FADS3: variants seen among roughly 807,000 people sequenced by gnomAD.
FADS3 encodes the protein fatty acid desaturase 3.
Under a neutral mutation model 60.4 loss-of-function variants are expected in FADS3, and 30 were observed. The ratio of observed to expected loss-of-function variants is 0.50; its 90% confidence interval spans 0.37 to 0.67. The LOEUF (loss-of-function observed/expected upper bound fraction) is 0.67. Ranked by LOEUF, FADS3 falls within the 30% of genes least tolerant of loss-of-function variation. The pLI is 0.00. For missense variants in FADS3, 432 were observed against 598.3 expected, an observed-to-expected ratio of 0.72 and a Z score of 2.90; for synonymous variants, 234 against 249.3, an observed-to-expected ratio of 0.94 and a Z score of 0.58.
intron 1 of FADS3, 115 bp from the exon 2 acceptor site, chr11:61,880,266 G>A: frequency 1.3e-6 from 1 of 772,328 alleles, no homozygotes; most frequent in Non-Finnish European, 2.1e-6. Flanking sequence ...ACGACAGGCG[G>A]ACAGGAAGTC....
intron 11 of FADS3, among the ~76,000 whole-genome samples, chr11:61,874,640 C>T (rs1022786120): frequency 2.6e-5 from 4 of 152,218 alleles, no homozygotes; most frequent in African/African-American, 9.6e-5. Flanking sequence ...ATGCCTGCCT[C>T]GGCTATCTAT....
intron 11 of FADS3, 43 bp from the exon 12 acceptor site, chr11:61,873,908 A>C (rs930574379): frequency 7.4e-7 from 1 of 1,354,008 alleles, no homozygotes; most frequent in Non-Finnish European, 1.0e-6. Context: ...TTAGGAGCTC[A>C]GTTGCAAGAT....
At chr11:61,878,124 C>T in intron 6 of FADS3, 31 bp downstream of exon 6, 1 of 1,605,356 alleles carries the variant, frequency 6.2e-7, no homozygotes, top group Non-Finnish European at 8.5e-7. Context: ...CCAGGCACTC[C>T]CCCACCCCAG....
At chr11:61,885,718 G>A (rs1046126484) in intron 1 of FADS3, among the ~76,000 whole-genome samples, 1 of 152,184 alleles carries the variant, frequency 6.6e-6, no homozygotes, top group African/African-American at 2.4e-5. Flanking sequence ...CAGTCAGGAA[G>A]GGGGTGAAGC....
At chr11:61,879,733 A>C (rs1268825191) in intron 2 of FADS3, among the ~76,000 whole-genome samples, 1 of 152,210 alleles carries the variant, frequency 6.6e-6, no homozygotes, top group African/African-American at 2.4e-5. Flanking sequence ...TACAGCCAGG[A>C]GAGAAATCAG....
At position 61,891,355 on chromosome 11, in the gene FADS3, C is replaced by T. The variant is rs775150620; in HGVS notation, c.27G>A (p.Pro9=). Residue 9 remains proline (P), a synonymous_variant, in exon 1 of 12, where the codon CCG becomes CCA. Coordinates refer to ENST00000278829, the MANE Select transcript of FADS3 (RefSeq NM_021727.5). MGGVGEPG[P]REGPAQPGAP... ...CCCCCGGCTGCGCGGGTCCCTCCCG[C>T]GGTCCCGGCTCCCCGACGCCGCCCA... is the stretch of plus-strand genomic sequence containing the variant. 3 of 1,494,018 alleles carry T rather than the reference C, an allele frequency of 2.0e-6. No individual in the cohort carries two copies. In the South Asian group the frequency reaches 3.8e-5, roughly 19 times the overall value. 92.5% of individuals were successfully genotyped at this position (1,494,018 alleles called of 1,614,324 possible).
Position 61,877,747 on chromosome 11 carries a change from A to G in FADS3, c.809-160T>C. On this transcript the variant is annotated intron_variant, in intron 6 of 11. Coordinates refer to ENST00000278829, the MANE Select transcript of FADS3 (RefSeq NM_021727.5). This position sits in a 1 kb window ranked among gnomAD's most constrained non-coding sequence, Gnocchi z 4.7. ...CATATCACCCCCAATTCTGTGTCCA[A>G]GCCTCCCCAGGCTGCCCTTACCCCA... 1.5e-6 allele frequency: 1 copy of G among 678,072 alleles called. No individual in the cohort carries two copies. The highest frequency in any genetic ancestry group is 2.6e-6 in the Non-Finnish European group (1 of 391,930). 42.0% of individuals were successfully genotyped at this position (678,072 alleles called of 1,614,324 possible).
intron 5 of FADS3, 142 bp from the exon 6 acceptor site, chr11:61,878,357 G>A (rs1048834328): frequency 3.7e-5 from 51 of 1,376,394 alleles, no homozygotes; most frequent in Admixed American, 2.0e-4. Flanking sequence ...CAGCAGGTTG[G>A]GAGGTGGGAA....
chr11:61,875,299 C>A (rs182195103), intron 11 of FADS3, among the ~76,000 whole-genome samples: 5 of 151,926 alleles, frequency 3.3e-5, no homozygotes, highest in Non-Finnish European at 7.4e-5. Flanking sequence ...TCCGCCCCTG[C>A]GAGTTCAAGT....
intron 2 of FADS3, 126 bp downstream of exon 2, chr11:61,879,915 G>T (rs174634): frequency 1.2e-5 from 9 of 736,404 alleles, no homozygotes; most frequent in Middle Eastern, 3.6e-4. Flanking sequence ...GGCAGGCTCA[G>T]CCCTGGCTCT....
intron 1 of FADS3, among the ~76,000 whole-genome samples, chr11:61,889,506 G>T (rs771327346): frequency 4.7e-4 from 71 of 152,232 alleles, no homozygotes; most frequent in Non-Finnish European, 7.9e-4. Flanking sequence ...AATATGCTGG[G>T]CGTGGTGGCG....
chr11:61,884,106 T>A (rs1204004705), intron 1 of FADS3, among the ~76,000 whole-genome samples: 1 of 152,178 alleles, frequency 6.6e-6, no homozygotes, highest in Non-Finnish European at 1.5e-5. Context: ...TGTGACCTGG[T>A]CCTCTGTGGG....
In FADS3 at chr11:61,876,900, C is replaced by T. The variant is rs779854074; in HGVS notation, c.949G>A (p.Val317Ile). 6.1e-5 allele frequency: 98 copies of T among 1,610,904 alleles called. 3 individuals are homozygous for T. Among genetic ancestry groups the T allele is most frequent in the South Asian group, 3.0e-4 (27 of 90,322 alleles). ...ACAAAGAAGAGCAGCACCCCAGGGA[C>T]GCCGTAGAAGGGGAGGTAGGATAAG... ...FFLSYLPFYG[V>I]PGVLLFFVAV... The change falls in exon 8 of 12, where the codon GTC (valine) becomes ATC (isoleucine). Residue 317 changes from valine to isoleucine, a missense_variant. Physicochemically the swap from Val to Ile is conservative, Grantham distance 29. Coordinates refer to ENST00000278829, the MANE Select transcript of FADS3 (RefSeq NM_021727.5). This position sits in a 1 kb window ranked among gnomAD's most constrained non-coding sequence, Gnocchi z 5.7.
intron 5 of FADS3, 96 bp downstream of exon 5, chr11:61,878,416 C>T: frequency 6.5e-7 from 1 of 1,532,452 alleles, no homozygotes. Context: ...GAGGCCAGAT[C>T]AGGGGCTAGG....
chr11:61,876,225 C>A lies in FADS3; in HGVS notation c.1081-35G>T, dbSNP rs929623447. 11 of 1,581,144 alleles carry A rather than the reference C, an allele frequency of 7.0e-6. No homozygotes were observed. The South Asian group carries it at 1.3e-4, about 18-fold the overall frequency. ...GCCGGCGGGGCACATGTGAGGAGGC[C>A]GTTGCAGATCCCTGACCCCACGGCA... On this transcript the variant is annotated intron_variant, in intron 9 of 11. Coordinates refer to ENST00000278829, the MANE Select transcript of FADS3 (RefSeq NM_021727.5). The surrounding 1 kb of genome is among the most constrained non-coding windows in gnomAD (Gnocchi z 5.7).
rs901691583 is a variant in FADS3 at position 61,878,410 on chromosome 11, C to A, written c.747+102G>T. On this transcript the variant is annotated intron_variant, in intron 5 of 11. Transcript: ENST00000278829. ...GAGCTTGGCCCAGCCAGAGTGGAGG[C>A]CAGATCAGGGGCTAGGTCAGGGGCA... is the stretch of plus-strand genomic sequence containing the variant. The A allele has an allele frequency of 5.9e-6, 9 of 1,516,050 alleles. No individual in the cohort carries two copies. The African/African-American group carries it at 9.6e-5, about 16-fold the overall frequency. The allele number at this position is 1,516,050 out of a possible 1,614,324, so 93.9% of individuals were successfully genotyped here. A position where few individuals can be genotyped will look rare whatever the true frequency, so the allele number is the denominator to read the frequency against.
Position 61,875,936 on chromosome 11 carries a change from C to T in FADS3, c.1201G>A (p.Ala401Thr). 3.7e-6 allele frequency: 6 copies of T among 1,613,796 alleles called. No individual in the cohort carries two copies. Among genetic ancestry groups the T allele is most frequent in the Non-Finnish European group, 3.4e-6 (4 of 1,180,028 alleles). The stretch of plus-strand genomic sequence containing the variant: ...GCACACAGCGACTTGACCAGCGGGG[C>T]CACCCGGCTGTAGTTGTGTCTCGGC... ...RMPRHNYSRV[A>T]PLVKSLCAKH... The change falls in exon 11 of 12, where the codon GCC becomes ACC. Residue 401 changes from alanine (A) to threonine (T), a missense_variant. Around this residue, in one of 5 missense-constraint regions of FADS3, gnomAD observed 63 missense variants for 64.5 expected, o/e 0.98. Transcript: ENST00000278829.
In FADS3 at chr11:61,878,518, G is replaced by A. The variant is rs766279636; in HGVS notation, c.741C>T (p.Ser247=). Residue 247 remains serine, a synonymous_variant, in exon 5 of 12, where the codon TCC becomes TCT. Coordinates refer to ENST00000278829, the MANE Select transcript of FADS3 (RefSeq NM_021727.5). ...VAPVFLLGES[S]VEYGKKKRRY... ...CACGTCCCTCCCCACCCACCTCGAC[G>A]GATGACTCCCCCAGGAGGAAGACGG... The A allele has an allele frequency of 1.7e-5, 27 of 1,613,890 alleles. No homozygotes were observed. The South Asian group carries it at 2.0e-4, about 12-fold the overall frequency.
chr11:61,891,335 G>C lies in FADS3; in HGVS notation c.47C>G (p.Pro16Arg), dbSNP rs778474076. 4.6e-6 allele frequency: 7 copies of C among 1,514,174 alleles called. No homozygotes were observed. The highest frequency in any genetic ancestry group is 4.0e-5 in the Admixed American group (2 of 49,634). 93.8% of individuals were successfully genotyped at this position (1,514,174 alleles called of 1,614,324 possible). Residue 16 changes from proline to arginine, a missense_variant, in exon 1 of 12, where the codon CCG becomes CGG. Physicochemically the swap from Pro to Arg is moderately radical, Grantham distance 103 (BLOSUM62 -2). This residue lies in a region of FADS3 where 167 missense variants were observed against 188.8 expected (regional missense o/e 0.88). Transcript: ENST00000278829. Reference protein sequence around the residue: ...EPGPREGPAQPGAPLPTFCWE... With the variant: ...EPGPREGPAQRGAPLPTFCWE... ...GCAGAAGGTGGGCAGCGGCGCCCCC[G>C]GCTGCGCGGGTCCCTCCCGCGGTCC... is the stretch of plus-strand genomic sequence containing the variant.
Sources: allele counts gnomAD v4.1 joint callset (sites outside exome capture counted in the v4.1 genomes callset), GRCh38; gene constraint gnomAD v4.1.1; regional missense constraint gnomAD v4.1.1; non-coding constraint Gnocchi (gnomAD v3.1); transcripts MANE v1.5; gene names NCBI Gene and HGNC (gene_info 2026-07-23, HGNC 2026-07-21).